Variants in NRXN3 observed in about 807,000 individuals in gnomAD.
The protein encoded by NRXN3 is neurexin III.
Under a neutral mutation model 137.6 loss-of-function variants are expected in NRXN3, and 32 were observed. That is an observed-to-expected ratio of 0.23 (90% CI 0.18 to 0.31). The LOEUF (loss-of-function observed/expected upper bound fraction) is 0.31, where lower values mean the gene tolerates loss of function less well. Among genes scored for constraint, NRXN3 ranks in the 10% least tolerant of loss-of-function variants. NRXN3 has a pLI of 1.00. For synonymous variants in NRXN3, 798 were observed against 784.5 expected (o/e 1.02, Z -0.29); for missense variants, 1,574 against 2,062.5 (o/e 0.76, Z 4.59).
chr14:78,401,742 T>G (rs2092083888), intron 4 of NRXN3, among the ~76,000 whole-genome samples: 1 of 152,226 alleles, frequency 6.6e-6, no homozygotes, highest in African/African-American at 2.4e-5. Context: ...CTAACTTGTA[T>G]AAAGCTGGCT....
At chr14:79,058,246 A>G (rs1259116190) in intron 15 of NRXN3, among the ~76,000 whole-genome samples, 2 of 152,156 alleles carry the variant, frequency 1.3e-5, no homozygotes, top group Non-Finnish European at 2.9e-5. Flanking sequence ...AGCAGCAATG[A>G]TCAGTACAGT....
chr14:78,790,907 A>G (rs1225237156), intron 8 of NRXN3, among the ~76,000 whole-genome samples: 2 of 152,174 alleles, frequency 1.3e-5, no homozygotes, highest in Non-Finnish European at 2.9e-5. Context: ...ATAATACTGT[A>G]TCAGTGCCAG....
At chr14:79,759,392 A>C (rs1754094233) in intron 19 of NRXN3, among the ~76,000 whole-genome samples, 1 of 151,616 alleles carries the variant, frequency 6.6e-6, no homozygotes, top group African/African-American at 2.4e-5. Flanking sequence ...AGCCCAATGA[A>C]ATGTAAACCT....
At chr14:78,749,458 G>A (rs1595483405) in intron 8 of NRXN3, among the ~76,000 whole-genome samples, 1 of 152,084 alleles carries the variant, frequency 6.6e-6, no homozygotes, top group African/African-American at 2.4e-5. Context: ...TAAAAGAAAC[G>A]AGTCCTGCTG....
At chr14:79,762,360 G>A (rs2099041594) in intron 19 of NRXN3, among the ~76,000 whole-genome samples, 4 of 151,630 alleles carry the variant, frequency 2.6e-5, no homozygotes, top group Admixed American at 6.6e-5. Context: ...AAAGTGTGTC[G>A]AAGCAGATGT....
chr14:79,852,463 A>C (rs1345939717), intron 20 of NRXN3, among the ~76,000 whole-genome samples: 2 of 152,062 alleles, frequency 1.3e-5, no homozygotes. Flanking sequence ...TACTTTAAGC[A>C]TGTGTTAACT....
intron 19 of NRXN3, among the ~76,000 whole-genome samples, chr14:79,722,712 T>A (rs2098849225): frequency 6.6e-6 from 1 of 152,158 alleles, no homozygotes; most frequent in Non-Finnish European, 1.5e-5. Flanking sequence ...TCTACTGTGT[T>A]CTAAGTGTCT....
At chr14:79,238,189 A>G (rs564196216) in intron 15 of NRXN3, among the ~76,000 whole-genome samples, 1 of 152,208 alleles carries the variant, frequency 6.6e-6, no homozygotes, top group Admixed American at 6.6e-5. Flanking sequence ...ACCACCTTGA[A>G]AGTTTTAATA....
At chr14:79,224,424 T>C (rs1167652993) in intron 15 of NRXN3, among the ~76,000 whole-genome samples, 2 of 152,130 alleles carry the variant, frequency 1.3e-5, no homozygotes, top group Non-Finnish European at 2.9e-5. Flanking sequence ...TACGATAATA[T>C]AGTTGTTGAT....
intron 15 of NRXN3, among the ~76,000 whole-genome samples, chr14:79,041,372 T>G (rs1436748042): frequency 6.6e-6 from 1 of 152,182 alleles, no homozygotes; most frequent in Non-Finnish European, 1.5e-5. Flanking sequence ...AAAGGATTAT[T>G]TAAAGTCAAG....
chr14:78,303,946 A>G (rs1305392905), intron 4 of NRXN3, among the ~76,000 whole-genome samples: 1 of 152,198 alleles, frequency 6.6e-6, no homozygotes, highest in East Asian at 1.9e-4. Context: ...GCTCAGTACT[A>G]GGGCCAGAGT....
At chr14:79,059,848 A>G (rs116361527) in intron 15 of NRXN3, among the ~76,000 whole-genome samples, 1,625 of 152,326 alleles carry the variant, frequency 0.011, 24 homozygotes, top group African/African-American at 0.034. Context: ...GGAGAGATTC[A>G]ACACCAAATG....
chr14:78,378,841 A>G (rs915851812), intron 4 of NRXN3, among the ~76,000 whole-genome samples: 2 of 152,184 alleles, frequency 1.3e-5, no homozygotes, highest in African/African-American at 4.8e-5. Context: ...AAACAAATAA[A>G]TGATTCCATG....
At chr14:79,715,334 C>G (rs1033986756) in intron 19 of NRXN3, among the ~76,000 whole-genome samples, 1 of 152,190 alleles carries the variant, frequency 6.6e-6, no homozygotes, top group East Asian at 1.9e-4. Context: ...CCTCAGCCAG[C>G]TCTCCTAGAC....
intron 15 of NRXN3, chr14:79,246,719 G>A (rs148270597): frequency 6.6e-5 from 10 of 152,252 alleles, no homozygotes; most frequent in African/African-American, 1.7e-4. Context: ...ACTGGATCAG[G>A]TTTACAGATG....
rs2099416031 is a variant in NRXN3 at position 79,863,317 on chromosome 14, T to TA, written c.*1354dup. ...AAAAGGAATTTAATAGTATAATATA[T>TA]ATATAAATAAATATATATACAGATA... On this transcript the variant is annotated 3_prime_UTR_variant, in exon 21 of 21. Coordinates refer to ENST00000335750, the MANE Select transcript of NRXN3 (RefSeq NM_001330195.2). The TA allele has an allele frequency of 6.7e-6, 1 of 150,220 alleles. No homozygotes were observed. The highest frequency in any genetic ancestry group is 2.1e-4 in the South Asian group (1 of 4,822). The allele number at this position is 150,220 out of a possible 1,614,324, so 9.3% of individuals were successfully genotyped here.
intron 15 of NRXN3, among the ~76,000 whole-genome samples, chr14:79,126,330 C>A (rs1466445432): frequency 1.6e-4 from 24 of 149,274 alleles, no homozygotes; most frequent in Admixed American, 4.0e-4. Context: ...CCCCCCCGCC[C>A]CACCCCACGA....
chr14:78,438,962 G>A (rs777612429), intron 4 of NRXN3, among the ~76,000 whole-genome samples: 2 of 152,018 alleles, frequency 1.3e-5, no homozygotes, highest in Admixed American at 1.3e-4. Context: ...TAGAGTAATG[G>A]GGGATGGAGC....
At chr14:78,722,599 G>A (rs1273224908) in intron 8 of NRXN3, among the ~76,000 whole-genome samples, 1 of 152,142 alleles carries the variant, frequency 6.6e-6, no homozygotes, top group Non-Finnish European at 1.5e-5. Flanking sequence ...AAAATGATGT[G>A]CCTTCTCTAT....
Sources: allele counts gnomAD v4.1 joint callset (sites outside exome capture counted in the v4.1 genomes callset), GRCh38; gene constraint gnomAD v4.1.1; transcripts MANE v1.5; gene names NCBI Gene and HGNC (gene_info 2026-07-23, HGNC 2026-07-21).